The following ABCA2 variants were observed in gnomAD, a reference collection of about 807,000 sequenced individuals.
ABCA2 encodes the protein ATP binding cassette subfamily A member 2.
Under a neutral mutation model 262.8 loss-of-function variants are expected in ABCA2, and 84 were observed. The ratio of observed to expected loss-of-function variants is 0.32; its 90% CI spans 0.27 to 0.38. ABCA2 has a LOEUF of 0.38. Among genes scored for constraint, ABCA2 ranks in the 10% least tolerant of loss-of-function variants. The probability of loss-of-function intolerance (pLI) is 1.00; values close to 1 mark genes in which losing one functional copy is unlikely to be tolerated. For synonymous variants in ABCA2, 1,696 were observed against 1,502.9 expected (o/e 1.13, Z -2.97); for missense variants, 2,662 against 3,405.9 (o/e 0.78, Z 5.44).
chr9:137,011,314 G>A lies in ABCA2; in HGVS notation c.5800-5C>T, dbSNP rs764107453. The A allele has an allele frequency of 3.5e-5, 56 of 1,608,956 alleles. No individual in the cohort carries two copies. The highest frequency in any genetic ancestry group is 5.3e-5 in the African/African-American group (4 of 74,856). ...ACTGTTGACAACCTTCAGGTCCTGCGGGGTGGCCGGGGTCAGGGGCACAGG... is the reference window on the plus strand; with the variant it reads ...ACTGTTGACAACCTTCAGGTCCTGCAGGGTGGCCGGGGTCAGGGGCACAGG... On this transcript the variant is annotated splice_region_variant and splice_polypyrimidine_tract_variant and intron_variant, in intron 37 of 48. Transcript: ENST00000341511. The surrounding 1 kb of genome is among the most constrained non-coding windows in gnomAD (Gnocchi z 8.8).
rs1322989398 is a variant in ABCA2, at chr9:137,022,386, G to A, written c.532C>T (p.Gln178Ter). ...QNLSLPNSTA[Q>*]ALLAARVDPP... ...TCCACACGGGCGGCCAAGAGTGCTTGGGCCGTGCTATTGGGCAGCGACAAG... is the reference window on the plus strand; with the variant it reads ...TCCACACGGGCGGCCAAGAGTGCTTAGGCCGTGCTATTGGGCAGCGACAAG... Residue 178 changes from glutamine to a stop codon, truncating the protein, a stop_gained, in exon 6 of 49, where the codon CAA becomes TAA. Coordinates refer to ENST00000341511, the MANE Select transcript of ABCA2 (RefSeq NM_001606.5). LOFTEE classifies it high-confidence loss of function. 1 of 1,610,996 alleles carries A rather than the reference G, an allele frequency of 6.2e-7. No individual in the cohort carries two copies. Among genetic ancestry groups the A allele is most frequent in the Admixed American group, 1.7e-5 (1 of 59,758 alleles).
chr9:137,021,451 A>G lies in ABCA2; in HGVS notation c.838T>C (p.Phe280Leu). The G allele has an allele frequency of 6.2e-7, 1 of 1,612,070 alleles. No homozygotes were observed. Among genetic ancestry groups the G allele is most frequent in the Non-Finnish European group, 8.5e-7 (1 of 1,179,854 alleles). Residue 280 changes from phenylalanine to leucine, a missense_variant, in exon 8 of 49, where the codon TTC (phenylalanine) becomes CTC (leucine). Transcript: ENST00000341511. This position sits in a 1 kb window ranked among gnomAD's most constrained non-coding sequence, Gnocchi z 6.0. ...CGGAGCTCAGCAGACAGCCCAGAGA[A>G]GCGCCTGGCACGCGCAGCAGCCTGC... ...SGQAAARARR[F>L]SGLSAELRNQ...
At position 137,016,465 on chromosome 9, in the gene ABCA2, G is replaced by T; in HGVS notation, c.2930C>A (p.Thr977Asn). The T allele has an allele frequency of 6.2e-7, 1 of 1,612,772 alleles. No homozygotes were observed. Among genetic ancestry groups the T allele is most frequent in the Non-Finnish European group, 8.5e-7 (1 of 1,179,978 alleles). The stretch of plus-strand genomic sequence containing the variant: ...GGTGGGCTCCTCCTCCATGCCACGG[G>T]TCTCCTCTGCACCAGGGCTGTGGAT... ...CAMESRRFEE[T>N]RGMEEEPTHL... Residue 977 changes from threonine (T) to asparagine (N), a missense_variant, in exon 21 of 49, where the codon ACC becomes AAC. This residue lies in a region of ABCA2 where 133 missense variants were observed against 150.8 expected (regional missense o/e 0.88). Transcript: ENST00000341511.
Position 137,016,747 on chromosome 9 carries a change from CGGGGA to C in ABCA2, c.2759-14_2759-10del, listed in dbSNP as rs1564222237. On this transcript the variant is annotated splice_polypyrimidine_tract_variant and intron_variant, in intron 19 of 48. Coordinates refer to ENST00000341511, the MANE Select transcript of ABCA2 (RefSeq NM_001606.5). ...GGGCAGCCCGTACATGCCTGGGGGT[CGGGGA>C]GGGGAGGGGAGGCTGACCTAGGGCC... The C allele has an allele frequency of 5.3e-6, 8 of 1,513,214 alleles. No homozygotes were observed. Among genetic ancestry groups the C allele is most frequent in the Admixed American group, 1.9e-5 (1 of 53,512 alleles). 93.7% of individuals were successfully genotyped at this position (1,513,214 alleles called of 1,614,324 possible). A position where few individuals can be genotyped will look rare whatever the true frequency, so the allele number is the denominator to read the frequency against.
In ABCA2 at chr9:137,013,152, C is replaced by T. The variant is rs756985388; in HGVS notation, c.4717G>A (p.Asp1573Asn). ...GTGAAGGACTCCAGACACATGCTGT[C>T]GAAGAACCGAGCCGCCAGCAGGCGC... Reference protein sequence around the residue: ...ESRLLAARFFDSMCLESFTQG... With the variant: ...ESRLLAARFFNSMCLESFTQG... The change falls in exon 30 of 49, where the codon GAC becomes AAC. Residue 1573 changes from aspartate to asparagine, a missense_variant. By Grantham distance (23) the Asp-to-Asn change is conservative (BLOSUM62 1). Around this residue, in one of 12 missense-constraint regions of ABCA2, gnomAD observed 192 missense variants for 207.2 expected, o/e 0.93. Coordinates refer to ENST00000341511, the MANE Select transcript of ABCA2 (RefSeq NM_001606.5). The T allele has an allele frequency of 1.4e-5, 22 of 1,599,442 alleles. No individual in the cohort carries two copies. Among genetic ancestry groups the T allele is most frequent in the South Asian group, 8.9e-5 (8 of 89,466 alleles).
Position 137,013,994 on chromosome 9 carries a change from T to G in ABCA2, c.4285A>C (p.Lys1429Gln). Residue 1429 changes from lysine to glutamine, a missense_variant, in exon 28 of 49, where the codon AAG (lysine) becomes CAG (glutamine). Around this residue, in one of 12 missense-constraint regions of ABCA2, gnomAD observed 297 missense variants for 286.5 expected, o/e 1.04. Transcript: ENST00000341511. ...ACCTTCAGCCACCCGCCGTCCAGCTTGCGGCTGCCCTGGCCGACCCTCGAC... is the reference window on the plus strand; with the variant it reads ...ACCTTCAGCCACCCGCCGTCCAGCTGGCGGCTGCCCTGGCCGACCCTCGAC... ...ALSRVGQGSR[K>Q]LDGGWLKVRQ... 1 of 1,612,092 alleles carries G rather than the reference T, an allele frequency of 6.2e-7. No individual in the cohort carries two copies. The highest frequency in any genetic ancestry group is 8.5e-7 in the Non-Finnish European group (1 of 1,179,870).
chr9:137,017,032 G>A lies in ABCA2; in HGVS notation c.2646C>T (p.Ser882=). Residue 882 remains serine, a synonymous_variant, in exon 19 of 49, where the codon AGC becomes AGT. Coordinates refer to ENST00000341511, the MANE Select transcript of ABCA2 (RefSeq NM_001606.5). ...AGVGIQWHTF[S]QSPVEGDDFN... ...AGTCGTCCCCCTCCACCGGGGACTG[G>A]CTGAAGGTGTGCCACTGGATGCCCA... The A allele has an allele frequency of 1.2e-6, 2 of 1,612,818 alleles. No individual in the cohort carries two copies. Among genetic ancestry groups the A allele is most frequent in the Non-Finnish European group, 1.7e-6 (2 of 1,179,994 alleles).
At position 137,012,610 on chromosome 9, in the gene ABCA2, G is replaced by GGGCGGTGAGGCTAGGCA; in HGVS notation, c.5082-37_5082-21dup. The GGGCGGTGAGGCTAGGCA allele has an allele frequency of 6.2e-7, 1 of 1,610,720 alleles. No individual in the cohort carries two copies. Among genetic ancestry groups the GGGCGGTGAGGCTAGGCA allele is most frequent in the Non-Finnish European group, 8.5e-7 (1 of 1,179,300 alleles). ...CCATACCTGGGCAGGCAGGTGGGAG[G>GGGCGGTGAGGCTAGGCA]GGCGGTGAGGCTAGGCAGGCAGTGA... On this transcript the variant is annotated intron_variant, in intron 31 of 48. Coordinates refer to ENST00000341511, the MANE Select transcript of ABCA2 (RefSeq NM_001606.5).
chr9:137,018,810 G>T lies in ABCA2; in HGVS notation c.1728C>A (p.Ser576Arg). 3 of 1,612,690 alleles carry T rather than the reference G, an allele frequency of 1.9e-6. No individual in the cohort carries two copies. Among genetic ancestry groups the T allele is most frequent in the Non-Finnish European group, 2.5e-6 (3 of 1,179,842 alleles). Reference sequence around the variant, plus strand: ...CGGGGAAGCCCTTGAAGATGTCCACGCTCACCTAGCGGGAGGGGCATCGCT... The same window carrying T: ...CGGGGAAGCCCTTGAAGATGTCCACTCTCACCTAGCGGGAGGGGCATCGCT... ...CGWIQFMSKV[S>R]VDIFKGFPDE... is the part of the protein sequence containing the mutation. The change falls in exon 13 of 49, where the codon AGC becomes AGA. Residue 576 changes from serine (S) to arginine (R), a missense_variant. Physicochemically the swap from Ser to Arg is moderately radical, Grantham distance 110. Coordinates refer to ENST00000341511, the MANE Select transcript of ABCA2 (RefSeq NM_001606.5).
rs763597242 is a variant in ABCA2, at chr9:137,009,017, C to G, written c.6864G>C (p.Lys2288Asn). Residue 2288 changes from lysine (K) to asparagine (N), a missense_variant, in exon 46 of 49, where the codon AAG (lysine) becomes AAC (asparagine). Lys to Asn is a moderately conservative substitution (Grantham distance 94). Around this residue, in one of 12 missense-constraint regions of ABCA2, gnomAD observed 212 missense variants for 214.4 expected, o/e 0.99. Coordinates refer to ENST00000341511, the MANE Select transcript of ABCA2 (RefSeq NM_001606.5). ...CCACGTCCTTCACACTCTGGCTGCT[C>G]TTGGTCCGCACCGTGATCATGTAGC... ...GDGYMITVRTKSSQSVKDVVR... is the reference protein window; with the variant it reads ...GDGYMITVRTNSSQSVKDVVR... The G allele has an allele frequency of 5.6e-6, 9 of 1,608,998 alleles. No homozygotes were observed. The highest frequency in any genetic ancestry group is 6.8e-6 in the Non-Finnish European group (8 of 1,179,774).
At chr9:137,016,205 G>T (rs540849059) in intron 21 of ABCA2, 31 bp from the exon 22 acceptor site, 2 of 1,611,274 alleles carry the variant, frequency 1.2e-6, no homozygotes, top group Non-Finnish European at 1.7e-6. Context: ...ATGACCCCAC[G>T]CCCTCTGCAG....
chr9:137,018,297 T>A lies in ABCA2; in HGVS notation c.1874A>T (p.Lys625Met), dbSNP rs1467260787. 1 of 1,608,664 alleles carries A rather than the reference T, an allele frequency of 6.2e-7. No homozygotes were observed. The highest frequency in any genetic ancestry group is 8.5e-7 in the Non-Finnish European group (1 of 1,179,024). Residue 625 changes from lysine to methionine, a missense_variant, in exon 14 of 49, where the codon AAG becomes ATG. Physicochemically the swap from Lys to Met is moderately conservative, Grantham distance 95 (BLOSUM62 -1). Coordinates refer to ENST00000341511, the MANE Select transcript of ABCA2 (RefSeq NM_001606.5). ...DGSLPPHVHY[K>M]IRQNSSFTEK... is the part of the protein sequence containing the mutation. ...GGTGAAGCTGGAGTTCTGGCGGATC[T>A]TGTAGTGCACGTGAGGCGGGAGCGA...
At chr9:137,028,849 C>T (rs368224845), upstream of ABCA2, 3 of 1,323,862 alleles carry the variant, frequency 2.3e-6, no homozygotes, top group Admixed American at 2.2e-5. This position sits in a 1 kb window ranked among gnomAD's most constrained non-coding sequence, Gnocchi z 6.9. Flanking sequence ...GCCCCTGCTG[C>T]ACGCGGCTCG....
intron 27 of ABCA2, 37 bp from the exon 28 acceptor site, chr9:137,014,075 C>T (rs759207287): frequency 1.6e-4 from 255 of 1,601,270 alleles, no homozygotes; most frequent in Non-Finnish European, 2.0e-4. Flanking sequence ...GGTGGTTGCA[C>T]GCTACCCTCT....
At chr9:137,022,588 G>A (rs1588527674) in intron 5 of ABCA2, 110 bp from the exon 6 acceptor site, 22 of 1,557,352 alleles carry the variant, frequency 1.4e-5, no homozygotes, top group South Asian at 8.3e-5. Flanking sequence ...CAGCCTGTGC[G>A]TGGCTGGGAA....
rs747080904 is a variant in ABCA2, at chr9:137,012,298, G to A, written c.5266C>T (p.Leu1756=). 3 of 1,611,780 alleles carry A rather than the reference G, an allele frequency of 1.9e-6. No homozygotes were observed. Among genetic ancestry groups the A allele is most frequent in the Non-Finnish European group, 2.5e-6 (3 of 1,179,542 alleles). The change falls in exon 33 of 49, where the codon CTG becomes TTG. Residue 1756 remains leucine, a synonymous_variant. Coordinates refer to ENST00000341511, the MANE Select transcript of ABCA2 (RefSeq NM_001606.5). ...GCCGGGTTGCCCTTGCTCTTGGGCA[G>A]GTTGGCACGCAGGATGGCGTTGTTG... The part of the protein sequence containing the change: ...SLNNAILRAN[L]PKSKGNPAAY...
At chr9:137,027,012 G>A (rs1831674974) in intron 1 of ABCA2, among the ~76,000 whole-genome samples, 1 of 152,256 alleles carries the variant, frequency 6.6e-6, no homozygotes, top group African/African-American at 2.4e-5. Context: ...GCTGACTGCA[G>A]CCTGGGTTTC....
chr9:137,010,302 C>T lies in ABCA2; in HGVS notation c.6244G>A (p.Glu2082Lys). The T allele has an allele frequency of 1.9e-6, 3 of 1,592,544 alleles. No individual in the cohort carries two copies. Among genetic ancestry groups the T allele is most frequent in the South Asian group, 1.1e-5 (1 of 87,914 alleles). Residue 2082 changes from glutamate (E) to lysine (K), a missense_variant, in exon 41 of 49, where the codon GAG becomes AAG. By Grantham distance (56) the Glu-to-Lys change is moderately conservative. Coordinates refer to ENST00000341511, the MANE Select transcript of ABCA2 (RefSeq NM_001606.5). ...DRLCLGVRPG[E>K]CFGLLGVNGA... ...TTGACGCCCAGGAGCCCGAAGCACT[C>T]GCCAGGACGCACACCCAGGCACAGG...
At chr9:137,024,392 G>T (rs1831581555) in intron 1 of ABCA2, among the ~76,000 whole-genome samples, 156 bp from the exon 2 acceptor site, 1 of 152,180 alleles carries the variant, frequency 6.6e-6, no homozygotes, top group African/African-American at 2.4e-5. Flanking sequence ...GAAGGTCTGA[G>T]CCCCTTCCAG....
Sources: allele counts gnomAD v4.1 joint callset (sites outside exome capture counted in the v4.1 genomes callset), GRCh38; gene constraint gnomAD v4.1.1; regional missense constraint gnomAD v4.1.1; non-coding constraint Gnocchi (gnomAD v3.1); transcripts MANE v1.5; gene names NCBI Gene and HGNC (gene_info 2026-07-23, HGNC 2026-07-21).